The following CPNE2 variants were observed in gnomAD, a reference collection of about 807,000 sequenced individuals.
The protein encoded by CPNE2 is copine-2.
Under a neutral mutation model 69.7 loss-of-function variants are expected in CPNE2, and 42 were observed. That is an observed-to-expected ratio of 0.60 (90% confidence interval 0.47 to 0.78). The LOEUF is 0.78. Among genes scored for constraint, CPNE2 ranks in the 30% least tolerant of loss-of-function variants. CPNE2 has a pLI of 0.00. For missense variants in CPNE2, 587 were observed against 732.0 expected, an observed-to-expected ratio of 0.80 and a Z score of 2.29; for synonymous variants, 294 against 289.8, an observed-to-expected ratio of 1.01 and a Z score of -0.15.
At chr16:57,110,587 G>A (rs190246070) in intron 1 of CPNE2, 121 bp from the exon 2 acceptor site, 24 of 519,380 alleles carry the variant, frequency 4.6e-5, no homozygotes, top group Admixed American at 1.6e-4. Flanking sequence ...TTGACAACCC[G>A]CCTCAATTTG....
At chr16:57,133,139 G>A (rs978168746) in intron 12 of CPNE2, among the ~76,000 whole-genome samples, 4 of 152,112 alleles carry the variant, frequency 2.6e-5, no homozygotes, top group Admixed American at 6.5e-5. Flanking sequence ...TCTCTATAGA[G>A]GCTCAGGAAG....
Position 57,121,742 on chromosome 16 carries a change from C to G in CPNE2, c.849C>G (p.Ile283Met), listed in dbSNP as rs375781341. 2 of 1,614,080 alleles carry G rather than the reference C, an allele frequency of 1.2e-6. No homozygotes were observed. Among genetic ancestry groups the G allele is most frequent in the African/African-American group, 2.7e-5 (2 of 74,928 alleles). The stretch of plus-strand genomic sequence containing the variant: ...AGAACTATAAAAACTCGGGCATCAT[C>G]ATCCTGCGATCCTGCAAGGTGAACC... The part of the protein sequence containing the change: ...KKKNYKNSGI[I>M]ILRSCKINRD... The change falls in exon 9 of 16, where the codon ATC becomes ATG. Residue 283 changes from isoleucine (I) to methionine (M), a missense_variant. Around this residue, in one of 5 missense-constraint regions of CPNE2, gnomAD observed 269 missense variants for 300.5 expected, o/e 0.90. Coordinates refer to ENST00000290776, the MANE Select transcript of CPNE2 (RefSeq NM_152727.6).
intron 1 of CPNE2, among the ~76,000 whole-genome samples, chr16:57,105,112 G>T (rs566864557): frequency 6.6e-6 from 1 of 152,198 alleles, no homozygotes; most frequent in Non-Finnish European, 1.5e-5. Flanking sequence ...GTGCAGCTGA[G>T]CTTGCATCAG....
At chr16:57,119,842 G>T (rs1431577623) in intron 7 of CPNE2, among the ~76,000 whole-genome samples, 192 bp downstream of exon 7, 1 of 152,222 alleles carries the variant, frequency 6.6e-6, no homozygotes, top group Non-Finnish European at 1.5e-5. Flanking sequence ...TACCCGGGCA[G>T]GGCCCCCACC....
intron 1 of CPNE2, among the ~76,000 whole-genome samples, chr16:57,104,269 G>C (rs1180676605): frequency 1.3e-5 from 2 of 152,228 alleles, no homozygotes; most frequent in African/African-American, 4.8e-5. Flanking sequence ...GACATAGGGA[G>C]TTGAAGGAAC....
intron 13 of CPNE2, 76 bp downstream of exon 13, chr16:57,134,902 G>C: frequency 6.8e-7 from 1 of 1,468,958 alleles, no homozygotes; most frequent in Non-Finnish European, 9.5e-7. Context: ...AGGGAGGGCA[G>C]AGGACAGGTT....
intron 9 of CPNE2, among the ~76,000 whole-genome samples, chr16:57,122,434 C>T (rs1026023524): frequency 5.9e-5 from 9 of 152,110 alleles, no homozygotes; most frequent in African/African-American, 1.7e-4. Context: ...AGTGGTGTCA[C>T]GACAAAAAAG....
rs758860033 is a variant in CPNE2 at position 57,137,252 on chromosome 16, G to A, written c.1272G>A (p.Ala424=). ...TCGTCAACCACGTGGCCCGGTTTGC[G>A]GCCCAGGCCACACAACAGCGGACGG... is the stretch of plus-strand genomic sequence containing the variant. ...SPIVNHVARF[A]AQATQQRTAT... The change falls in exon 14 of 16, where the codon GCG becomes GCA. Residue 424 remains alanine, a synonymous_variant. Coordinates refer to ENST00000290776, the MANE Select transcript of CPNE2 (RefSeq NM_152727.6). 100 of 1,614,074 alleles carry A rather than the reference G, an allele frequency of 6.2e-5. No individual in the cohort carries two copies. Among genetic ancestry groups the A allele is most frequent in the Non-Finnish European group, 7.7e-5 (91 of 1,180,040 alleles).
chr16:57,095,167 C>A (rs1186822676), intron 1 of CPNE2, among the ~76,000 whole-genome samples: 1 of 152,236 alleles, frequency 6.6e-6, no homozygotes, highest in Non-Finnish European at 1.5e-5. Flanking sequence ...CTCCCCCAAC[C>A]CTGCCAGACA....
chr16:57,134,125 C>G (rs1017893584), intron 12 of CPNE2, among the ~76,000 whole-genome samples: 1 of 152,286 alleles, frequency 6.6e-6, no homozygotes, highest in East Asian at 1.9e-4. Context: ...AGCAGTGTCC[C>G]GGAGTGTCCG....
chr16:57,127,812 G>A, intron 11 of CPNE2, 37 bp from the exon 12 acceptor site: 1 of 1,608,688 alleles, frequency 6.2e-7, no homozygotes, highest in Non-Finnish European at 8.5e-7. Flanking sequence ...GTGTCCTCAG[G>A]TGTCTTACAG....
intron 12 of CPNE2, among the ~76,000 whole-genome samples, chr16:57,131,578 G>T (rs913214840): frequency 1.1e-4 from 17 of 152,202 alleles, no homozygotes; most frequent in African/African-American, 4.1e-4. Flanking sequence ...AAGCCTCCTT[G>T]TAAATGTCAC....
intron 1 of CPNE2, among the ~76,000 whole-genome samples, chr16:57,096,380 T>C (rs182881659): frequency 3.9e-4 from 59 of 152,212 alleles, no homozygotes; most frequent in Non-Finnish European, 6.9e-4. Flanking sequence ...TTTTCTCAGG[T>C]TGGGCATGTC....
At chr16:57,123,812 C>T (rs1235106767) in intron 10 of CPNE2, 4 of 388,252 alleles carry the variant, frequency 1.0e-5, no homozygotes, top group East Asian at 4.6e-5. Context: ...CCTCCTTCCT[C>T]CTTGCTCACT....
At chr16:57,104,908 G>T (rs573284570) in intron 1 of CPNE2, among the ~76,000 whole-genome samples, 47 of 152,296 alleles carry the variant, frequency 3.1e-4, no homozygotes, top group African/African-American at 1.1e-3. Flanking sequence ...CAGTGCAGCT[G>T]GGCCAAAGGA....
intron 12 of CPNE2, among the ~76,000 whole-genome samples, chr16:57,132,252 A>G (rs2069843426): frequency 6.6e-6 from 1 of 152,162 alleles, no homozygotes. Context: ...TGCCCCAGAG[A>G]GTGGCTGAGG....
chr16:57,121,909 T>C, intron 9 of CPNE2, 149 bp downstream of exon 9: 1 of 668,490 alleles, frequency 1.5e-6, no homozygotes, highest in East Asian at 2.7e-5. Context: ...GAGCTTCACC[T>C]CACCAGGCCT....
Position 57,146,073 on chromosome 16 carries a change from C to A in CPNE2, c.1303-12C>A. The A allele has an allele frequency of 6.2e-7, 1 of 1,600,862 alleles. No homozygotes were observed. The highest frequency in any genetic ancestry group is 8.5e-7 in the Non-Finnish European group (1 of 1,173,112). On this transcript the variant is annotated splice_polypyrimidine_tract_variant and intron_variant, in intron 14 of 15. Coordinates refer to ENST00000290776, the MANE Select transcript of CPNE2 (RefSeq NM_152727.6). The surrounding 1 kb of genome is among the most constrained non-coding windows in gnomAD (Gnocchi z 4.4). The stretch of plus-strand genomic sequence containing the variant: ...GACCTTGCTGAGTGCCCCGTTGGCC[C>A]CCTCCCTGCAGCAGTACTTCATCCT...
At chr16:57,111,088 T>C (rs764565334) in intron 2 of CPNE2, among the ~76,000 whole-genome samples, 166 bp downstream of exon 2, 1 of 129,590 alleles carries the variant, frequency 7.7e-6, no homozygotes, top group Non-Finnish European at 1.6e-5. Context: ...GAAATTTTAT[T>C]TTAAATATAT....
Sources: gnomAD v4.1 joint callset for allele counts (sites outside exome capture counted in the v4.1 genomes callset) on GRCh38, gnomAD v4.1.1 for gene constraint, gnomAD v4.1.1 regional missense constraint, Gnocchi (gnomAD v3.1) non-coding constraint, MANE v1.5 for transcripts, NCBI Gene and HGNC (gene_info 2026-07-23, HGNC 2026-07-21) for gene names.